The following SMARCD3 variants were observed in gnomAD, a reference collection of about 807,000 sequenced individuals.
SMARCD3 encodes the protein SWI/SNF-related matrix-associated actin-dependent regulator of chromatin subfamily D member 3.
In SMARCD3, 14 loss-of-function variants were observed where a neutral mutation model predicts 58.0. The ratio of observed to expected loss-of-function variants is 0.24; its 90% CI spans 0.16 to 0.38. The LOEUF (loss-of-function observed/expected upper bound fraction) is 0.38, where lower values mean the gene tolerates loss of function less well. Ranked by LOEUF, SMARCD3 falls within the 10% of genes least tolerant of loss-of-function variation. SMARCD3 has a pLI of 1.00. For missense variants in SMARCD3, 408 were observed against 636.9 expected, an observed-to-expected ratio of 0.64 and a Z score of 3.87; for synonymous variants, 253 against 253.8, an observed-to-expected ratio of 1.00 and a Z score of 0.03.
At chr7:151,269,974 G>A (rs1315287039) in intron 2 of SMARCD3, among the ~76,000 whole-genome samples, 1 of 152,156 alleles carries the variant, frequency 6.6e-6, no homozygotes, top group East Asian at 1.9e-4. Context: ...ATGGCCTTGG[G>A]GGATCTTCAG....
chr7:151,261,115 T>C (rs1803904548), intron 2 of SMARCD3, among the ~76,000 whole-genome samples: 1 of 152,228 alleles, frequency 6.6e-6, no homozygotes, highest in Non-Finnish European at 1.5e-5. Flanking sequence ...GGCTGTGCTC[T>C]CTACCCCTGC....
At position 151,243,830 on chromosome 7, in the gene SMARCD3, G is replaced by A. The variant is rs1244541256; in HGVS notation, c.291-129C>T. 6 of 761,420 alleles carry A rather than the reference G, an allele frequency of 7.9e-6. No homozygotes were observed. Among genetic ancestry groups the A allele is most frequent in the Admixed American group, 1.7e-5 (1 of 57,682 alleles). The allele number at this position is 761,420 out of a possible 1,614,324, so 47.2% of individuals were successfully genotyped here. On this transcript the variant is annotated intron_variant, in intron 2 of 12. Coordinates refer to ENST00000262188, the MANE Select transcript of SMARCD3 (RefSeq NM_001003801.2). The surrounding 1 kb of genome is among the most constrained non-coding windows in gnomAD (Gnocchi z 4.4). ...GTTCCCACAGCCCACTTGTCTGCCC[G>A]CCCAAGGGCTGTGACGGTGGTGTGT...
At position 151,239,172 on chromosome 7, in the gene SMARCD3, G is replaced by A. The variant is rs112029946; in HGVS notation, c.1399-16C>T. ...GCTGCTGGATCTTTAGAGGAAGTGA[G>A]AACAGGAGCAGGTGTCAGTGTTCTG... is the stretch of plus-strand genomic sequence containing the variant. On this transcript the variant is annotated splice_polypyrimidine_tract_variant and intron_variant, in intron 12 of 12. Coordinates refer to ENST00000262188, the MANE Select transcript of SMARCD3 (RefSeq NM_001003801.2). The surrounding 1 kb of genome is among the most constrained non-coding windows in gnomAD (Gnocchi z 7.0). The A allele has an allele frequency of 6.1e-5, 99 of 1,613,906 alleles. No homozygotes were observed. In the African/African-American group the frequency reaches 9.1e-4, roughly 15 times the overall value.
Position 151,243,775 on chromosome 7 carries a change from T to C in SMARCD3, c.291-74A>G. On this transcript the variant is annotated intron_variant, in intron 2 of 12. Coordinates refer to ENST00000262188, the MANE Select transcript of SMARCD3 (RefSeq NM_001003801.2). The surrounding 1 kb of genome is among the most constrained non-coding windows in gnomAD (Gnocchi z 4.4). ...GGCGTAACGAGGCCACCTGCTAGAT[T>C]ATCCCGACATCTCCGCCCGCCTGGC... is the stretch of plus-strand genomic sequence containing the variant. The C allele has an allele frequency of 9.6e-7, 1 of 1,037,466 alleles. No homozygotes were observed. The highest frequency in any genetic ancestry group is 1.5e-6 in the Non-Finnish European group (1 of 654,090). The allele number at this position is 1,037,466 out of a possible 1,614,324, so 64.3% of individuals were successfully genotyped here.
chr7:151,241,460 C>T lies in SMARCD3; in HGVS notation c.939+32G>A, dbSNP rs1252719444. 1 of 1,600,066 alleles carries T rather than the reference C, an allele frequency of 6.2e-7. No individual in the cohort carries two copies. Among genetic ancestry groups the T allele is most frequent in the African/African-American group, 1.3e-5 (1 of 74,770 alleles). ...CCCCTGCTGGAGAACTCCGCCTGCT[C>T]CCCAGATCCCAGGGTTCAGGAGAGA... is the stretch of plus-strand genomic sequence containing the variant. On this transcript the variant is annotated intron_variant, in intron 8 of 12. Coordinates refer to ENST00000262188, the MANE Select transcript of SMARCD3 (RefSeq NM_001003801.2). This position sits in a 1 kb window ranked among gnomAD's most constrained non-coding sequence, Gnocchi z 5.3.
chr7:151,252,442 A>T (rs374582912), upstream of SMARCD3, among the ~76,000 whole-genome samples: 2,749 of 136,752 alleles, frequency 0.02, 43 homozygotes, highest in African/African-American at 0.061. Context: ...TGTGTGTGTG[A>T]GAGAGAGAGA....
intron 2 of SMARCD3, among the ~76,000 whole-genome samples, chr7:151,267,708 G>A (rs1354857690): frequency 1.3e-5 from 2 of 152,214 alleles, no homozygotes; most frequent in Non-Finnish European, 2.9e-5. Context: ...CAGGTGCAGT[G>A]GCCCAAGCCT....
Position 151,259,351 on chromosome 7 carries a change from CA to C in SMARCD3, c.40-13681del, listed in dbSNP as rs540959643. On this transcript the variant is annotated intron_variant, in intron 2 of 13. Coordinates refer to the SMARCD3 transcript ENST00000356800. ...TAGGTGACAGAGAGAGACTCTGTCT[CA>C]AAAAAAAAAAAAAAGAATGTAAGCT... Among the ~76,000 whole-genome samples the C allele has an allele frequency of 4.1e-3, 437 of 107,024 alleles. 2 individuals are homozygous for C. Among genetic ancestry groups the C allele is most frequent in the East Asian group, 9.7e-3 (31 of 3,212 alleles). The allele number at this position is 107,024 out of a possible 152,430, so 70.2% of individuals were successfully genotyped here.
intron 2 of SMARCD3, among the ~76,000 whole-genome samples, chr7:151,272,477 T>TC (rs1563698601): frequency 6.6e-6 from 1 of 152,120 alleles, no homozygotes; most frequent in Non-Finnish European, 1.5e-5. Flanking sequence ...TGGCACAGTG[T>TC]CCCTCACTCT....
intron 2 of SMARCD3, among the ~76,000 whole-genome samples, chr7:151,266,270 AT>A (rs112962125): frequency 0.019 from 2,716 of 145,760 alleles, 58 homozygotes; most frequent in African/African-American, 0.052. Context: ...GCACCCGGCC[AT>A]TTTTTTTTTT....
At chr7:151,255,494 C>T (rs1285389305) in intron 2 of SMARCD3, among the ~76,000 whole-genome samples, 7 of 152,148 alleles carry the variant, frequency 4.6e-5, no homozygotes, top group South Asian at 2.1e-4. Context: ...TGTCACTCTC[C>T]GGAGCACCAC....
intron 2 of SMARCD3, among the ~76,000 whole-genome samples, chr7:151,270,172 C>T (rs542649261): frequency 1.3e-5 from 2 of 152,252 alleles, no homozygotes; most frequent in South Asian, 4.2e-4. Flanking sequence ...GTGACATTCT[C>T]CCTCACCATA....
upstream of SMARCD3, among the ~76,000 whole-genome samples, chr7:151,251,145 T>C (rs1365389618): frequency 1.3e-5 from 2 of 152,020 alleles, no homozygotes; most frequent in Non-Finnish European, 1.5e-5. Flanking sequence ...TTGGTCTTGG[T>C]GGTGGAAGAG....
At chr7:151,264,904 G>T (rs1414225289) in intron 2 of SMARCD3, among the ~76,000 whole-genome samples, 1 of 152,218 alleles carries the variant, frequency 6.6e-6, no homozygotes, top group Non-Finnish European at 1.5e-5. Flanking sequence ...TGGGGAATTA[G>T]TGTTCTAGCA....
upstream of SMARCD3, among the ~76,000 whole-genome samples, chr7:151,253,541 C>G (rs1357456560): frequency 6.6e-6 from 1 of 152,206 alleles, no homozygotes; most frequent in African/African-American, 2.4e-5. Flanking sequence ...CCTTGACACC[C>G]CTCCCACCAC....
chr7:151,255,744 G>A (rs2429248), intron 2 of SMARCD3, among the ~76,000 whole-genome samples: 59,726 of 151,610 alleles, frequency 0.39, 12,293 homozygotes, highest in East Asian at 0.71. Context: ...CAAATCCTGC[G>A]ACTCCTCTGG....
chr7:151,249,483 C>G (rs533780776), upstream of SMARCD3: 2 of 152,332 alleles, frequency 1.3e-5, no homozygotes, highest in South Asian at 4.1e-4. The surrounding 1 kb of genome is among the most constrained non-coding windows in gnomAD (Gnocchi z 4.8). Context: ...CTTTGTTTGC[C>G]GCTCTGTGAG....
chr7:151,239,598 A>C lies in SMARCD3; in HGVS notation c.1296+26T>G. On this transcript the variant is annotated intron_variant, in intron 11 of 12. Coordinates refer to ENST00000262188, the MANE Select transcript of SMARCD3 (RefSeq NM_001003801.2). This position sits in a 1 kb window ranked among gnomAD's most constrained non-coding sequence, Gnocchi z 7.0. ...TCCCGCTGTGCTTGTCTTCCACTCC[A>C]GTACTCCCTGAGTCTCCCTCTTCAC... 1.2e-6 allele frequency: 2 copies of C among 1,613,910 alleles called. No homozygotes were observed. The highest frequency in any genetic ancestry group is 1.7e-6 in the Non-Finnish European group (2 of 1,179,918).
Position 151,255,063 on chromosome 7 carries a change from G to A in SMARCD3, c.40-9392C>T, listed in dbSNP as rs565115989. Among the ~76,000 whole-genome samples the A allele has an allele frequency of 3.0e-4, 46 of 152,058 alleles. 1 individual carries two copies. Among genetic ancestry groups the A allele is most frequent in the Middle Eastern group, 3.4e-3 (1 of 292 alleles). On this transcript the variant is annotated intron_variant, in intron 2 of 13. Transcript: ENST00000356800. ...CACTGCACCTTCCACTCTGCACCAC[G>A]GGGCCAGGGGAGCCCTCGACCTGCC...
Sources: gnomAD v4.1 joint callset for allele counts (sites outside exome capture counted in the v4.1 genomes callset) on GRCh38, gnomAD v4.1.1 for gene constraint, Gnocchi (gnomAD v3.1) non-coding constraint, MANE v1.5 for transcripts, NCBI Gene and HGNC (gene_info 2026-07-23, HGNC 2026-07-21) for gene names.